STK17A: variants seen among roughly 807,000 people sequenced by gnomAD.
The protein encoded by STK17A is serine/threonine-protein kinase 17A.
Under a neutral mutation model 43.7 loss-of-function variants are expected in STK17A, and 26 were observed. The observed-to-expected ratio is 0.60, with a 90% confidence interval of 0.44 to 0.83. The LOEUF (loss-of-function observed/expected upper bound fraction) is 0.83. Ranked by LOEUF, STK17A falls within the 40% of genes least tolerant of loss-of-function variation. STK17A has a pLI of 0.00. For missense variants in STK17A, 476 were observed against 511.6 expected (o/e 0.93, Z 0.67); for synonymous variants, 191 against 182.5 (o/e 1.05, Z -0.38).
chr7:43,583,711 C>G (rs572647777), intron 1 of STK17A, among the ~76,000 whole-genome samples: 1 of 152,302 alleles, frequency 6.6e-6, no homozygotes, highest in Non-Finnish European at 1.5e-5. Flanking sequence ...CTTTCCTCAG[C>G]CCTTTCGTTC....
intron 2 of STK17A, among the ~76,000 whole-genome samples, chr7:43,602,004 G>A (rs2082558849): frequency 6.6e-6 from 1 of 151,778 alleles, no homozygotes; most frequent in South Asian, 2.1e-4. Context: ...AGAAATCAAG[G>A]CCATCAGACA....
intron 3 of STK17A, among the ~76,000 whole-genome samples, chr7:43,611,905 A>G (rs1164777603): frequency 6.6e-6 from 1 of 152,224 alleles, no homozygotes; most frequent in East Asian, 1.9e-4. Context: ...GTGACTATTC[A>G]AGAACTAATT....
chr7:43,598,469 C>CAA (rs61683967), intron 2 of STK17A, among the ~76,000 whole-genome samples: 8,670 of 80,068 alleles, frequency 0.11, 346 homozygotes, highest in Admixed American at 0.18. Context: ...GACTCCGTCT[C>CAA]AAAAAAAAAA....
intron 1 of STK17A, among the ~76,000 whole-genome samples, chr7:43,595,627 A>C (rs1161777316): frequency 6.6e-6 from 1 of 151,462 alleles, no homozygotes. Context: ...ATGTGCAAAA[A>C]ATTAAGTTAT....
At chr7:43,595,287 T>TTTC (rs1554478606) in intron 1 of STK17A, among the ~76,000 whole-genome samples, 9 of 131,498 alleles carry the variant, frequency 6.8e-5, no homozygotes, top group Non-Finnish European at 1.3e-4. Flanking sequence ...TTTTTTTTTT[T>TTTC]CCCCCCTGGA....
At chr7:43,595,782 T>G in intron 1 of STK17A, 119 bp from the exon 2 acceptor site, 1 of 820,556 alleles carries the variant, frequency 1.2e-6, no homozygotes, top group Non-Finnish European at 1.9e-6. Flanking sequence ...TTTCTACTTT[T>G]GTGATTGTAT....
intron 2 of STK17A, among the ~76,000 whole-genome samples, chr7:43,602,698 T>C (rs2152971829): frequency 6.6e-6 from 1 of 152,342 alleles, no homozygotes; most frequent in Non-Finnish European, 1.5e-5. Flanking sequence ...CCATCAGCGT[T>C]ACTTATGTCA....
At position 43,623,626 on chromosome 7, in the gene STK17A, A is replaced by T. The variant is rs764498509; in HGVS notation, c.740+6A>T. ...AGCATGGCAACAGATATGTGGTAAG[A>T]GTTATTAATGAAAAATTGATCAAAT... is the stretch of plus-strand genomic sequence containing the variant. On this transcript the variant is annotated splice_donor_region_variant and intron_variant, in intron 5 of 6. Transcript: ENST00000319357. 4 of 1,609,704 alleles carry T rather than the reference A, an allele frequency of 2.5e-6. No individual in the cohort carries two copies. Among genetic ancestry groups the T allele is most frequent in the Non-Finnish European group, 3.4e-6 (4 of 1,178,472 alleles).
chr7:43,626,603 G>A lies in STK17A; in HGVS notation c.*1761G>A, dbSNP rs2084569084. On this transcript the variant is annotated 3_prime_UTR_variant, in exon 7 of 7. Coordinates refer to ENST00000319357, the MANE Select transcript of STK17A (RefSeq NM_004760.3). Reference sequence around the variant, plus strand: ...GAGTCTCAGGTAAGTCTTGGAAGAAGTTAAACACAGTATTAGGCAAATATT... The same window carrying A: ...GAGTCTCAGGTAAGTCTTGGAAGAAATTAAACACAGTATTAGGCAAATATT... 6.6e-6 allele frequency: 1 copy of A among 152,180 alleles called. No homozygotes were observed. Among genetic ancestry groups the A allele is most frequent in the African/African-American group, 2.4e-5 (1 of 41,442 alleles). 9.4% of individuals were successfully genotyped at this position (152,180 alleles called of 1,614,324 possible).
At chr7:43,597,464 C>T (rs1385695002) in intron 2 of STK17A, among the ~76,000 whole-genome samples, 1 of 151,996 alleles carries the variant, frequency 6.6e-6, no homozygotes, top group Non-Finnish European at 1.5e-5. Flanking sequence ...TCTCGGCTTA[C>T]TGCAGCTCAT....
rs2082414941 is a variant in STK17A at position 43,583,417 on chromosome 7, C to A, written c.174C>A (p.Gly58=). The change falls in exon 1 of 7, where the codon GGC becomes GGA. Residue 58 remains glycine (G), a synonymous_variant. Coordinates refer to ENST00000319357, the MANE Select transcript of STK17A (RefSeq NM_004760.3). ...AVVRTEPFQD[G]YSLCPGRELG... ...TGCGCACCGAGCCCTTCCAGGACGG[C>A]TACAGCCTGTGCCCGGGCCGGGAGC... 1.4e-6 allele frequency: 2 copies of A among 1,414,072 alleles called. No homozygotes were observed. 87.6% of individuals were successfully genotyped at this position (1,414,072 alleles called of 1,614,324 possible). A position where few individuals can be genotyped will look rare whatever the true frequency, so the allele number is the denominator to read the frequency against.
At chr7:43,624,373 C>A in intron 6 of STK17A, 145 bp from the exon 7 acceptor site, 2 of 781,188 alleles carry the variant, frequency 2.6e-6, no homozygotes, top group Non-Finnish European at 3.8e-6. Flanking sequence ...AATTCCAAGA[C>A]TAATAGTTTT....
At chr7:43,596,143 G>T (rs377714003) in intron 2 of STK17A, 30 bp downstream of exon 2, 5 of 1,581,650 alleles carry the variant, frequency 3.2e-6, no homozygotes, top group Non-Finnish European at 4.3e-6. Context: ...GATTAAGTTT[G>T]TTTGGTAGTC....
intron 3 of STK17A, 65 bp from the exon 4 acceptor site, chr7:43,619,532 G>A: frequency 6.4e-7 from 1 of 1,557,826 alleles, no homozygotes. Flanking sequence ...ATGTTTTATG[G>A]GCTGCATGTT....
chr7:43,600,131 C>G (rs1182318531), intron 2 of STK17A, among the ~76,000 whole-genome samples: 1 of 152,184 alleles, frequency 6.6e-6, no homozygotes, highest in African/African-American at 2.4e-5. Flanking sequence ...TTAATCCAGT[C>G]AAGCCAACAA....
chr7:43,596,639 G>A (rs1045302263), intron 2 of STK17A, among the ~76,000 whole-genome samples: 1 of 152,184 alleles, frequency 6.6e-6, no homozygotes, highest in South Asian at 2.1e-4. Context: ...GGCCGAGGCA[G>A]GAGGATCACC....
chr7:43,607,647 C>CAAAAAAAAAA (rs760624386), intron 2 of STK17A, among the ~76,000 whole-genome samples: 7 of 54,350 alleles, frequency 1.3e-4, no homozygotes, highest in African/African-American at 1.4e-4. Flanking sequence ...GACTCCGTCT[C>CAAAAAAAAAA]AAAAAAAAAA....
chr7:43,586,320 C>CA lies in STK17A; in HGVS notation c.206+2874dup, dbSNP rs527368075. Among the ~76,000 whole-genome samples the CA allele has an allele frequency of 6.6e-5, 10 of 151,524 alleles. No individual in the cohort carries two copies. In the South Asian group the frequency reaches 2.1e-3, roughly 31 times the overall value. ...TAAAACTTTCAATGAGATGACTGTT[C>CA]AAAGAGAATTTTTTAAATGGTCAAC... On this transcript the variant is annotated intron_variant, in intron 1 of 6. Transcript: ENST00000319357.
chr7:43,596,306 T>G (rs1263485587), intron 2 of STK17A, among the ~76,000 whole-genome samples, 193 bp downstream of exon 2: 1 of 152,234 alleles, frequency 6.6e-6, no homozygotes, highest in African/African-American at 2.4e-5. Flanking sequence ...TTAGCTTTTT[T>G]ATTTTCATTC....
Sources: gnomAD v4.1 joint callset for allele counts (sites outside exome capture counted in the v4.1 genomes callset) on GRCh38, gnomAD v4.1.1 for gene constraint, MANE v1.5 for transcripts, NCBI Gene and HGNC (gene_info 2026-07-23, HGNC 2026-07-21) for gene names.